PDZRN3: variants seen among roughly 807,000 people sequenced by gnomAD.
PDZRN3 encodes the protein E3 ubiquitin-protein ligase PDZRN3.
A neutral mutation model predicts 85.7 loss-of-function variants in PDZRN3; 38 were observed. The observed-to-expected ratio is 0.44, with a 90% CI of 0.34 to 0.58. The LOEUF is 0.58. PDZRN3 is among the 20% of genes least tolerant of loss of function. PDZRN3 has a pLI of 0.01. For missense variants in PDZRN3, 1,629 were observed against 1,506.4 expected (o/e 1.08, Z -1.35); for synonymous variants, 759 against 638.0 (o/e 1.19, Z -2.86).
At chr3:73,584,452 GGTGTGTGT>G (rs56393203) in intron 3 of PDZRN3, among the ~76,000 whole-genome samples, 3,671 of 83,918 alleles carry the variant, frequency 0.044, 176 homozygotes, top group African/African-American at 0.14. Flanking sequence ...TTCATTTAAT[GGTGTGTGT>G]GTGTGTGTGT....
chr3:73,453,768 C>T (rs1047053642), intron 3 of PDZRN3, among the ~76,000 whole-genome samples: 1 of 152,160 alleles, frequency 6.6e-6, no homozygotes, highest in Admixed American at 6.5e-5. Context: ...ACCTCACACA[C>T]ACAGACAATT....
At chr3:73,406,527 A>T (rs925522648) in intron 3 of PDZRN3, among the ~76,000 whole-genome samples, 2 of 152,020 alleles carry the variant, frequency 1.3e-5, no homozygotes, top group African/African-American at 4.8e-5. Context: ...AACATATAGC[A>T]CCCTTAGGAG....
At chr3:73,489,230 T>G (rs1238476418) in intron 3 of PDZRN3, among the ~76,000 whole-genome samples, 2 of 152,202 alleles carry the variant, frequency 1.3e-5, no homozygotes, top group Non-Finnish European at 2.9e-5. Flanking sequence ...AAATAGCAAA[T>G]AGCAGGACAG....
intron 3 of PDZRN3, among the ~76,000 whole-genome samples, chr3:73,498,605 G>T (rs13082924): frequency 0.24 from 36,337 of 150,092 alleles, 5,416 homozygotes; most frequent in Non-Finnish European, 0.35. Flanking sequence ...TTTTTTTTGA[G>T]ATGGAGTCTA....
At chr3:73,594,807 T>C (rs1338667917) in intron 3 of PDZRN3, among the ~76,000 whole-genome samples, 4 of 152,162 alleles carry the variant, frequency 2.6e-5, no homozygotes, top group Admixed American at 6.5e-5. Flanking sequence ...GAAAATATGA[T>C]ATTCACTTTA....
At chr3:73,394,820 GCA>G (rs1431939074) in intron 5 of PDZRN3, among the ~76,000 whole-genome samples, 1 of 152,220 alleles carries the variant, frequency 6.6e-6, no homozygotes, top group Non-Finnish European at 1.5e-5. Flanking sequence ...TGACAGTTAA[GCA>G]CAGAGTGATC....
chr3:73,616,609 C>T (rs907142703), intron 1 of PDZRN3, among the ~76,000 whole-genome samples: 2 of 152,174 alleles, frequency 1.3e-5, no homozygotes, highest in African/African-American at 2.4e-5. Flanking sequence ...TACAATGAAA[C>T]CAAATTATTG....
intron 3 of PDZRN3, among the ~76,000 whole-genome samples, chr3:73,439,984 C>T (rs1702601702): frequency 6.6e-6 from 1 of 152,132 alleles, no homozygotes; most frequent in Non-Finnish European, 1.5e-5. Flanking sequence ...ATAATCCACC[C>T]ACCTCAGCCT....
chr3:73,510,506 G>T (rs1374361674), intron 3 of PDZRN3, among the ~76,000 whole-genome samples: 2 of 152,210 alleles, frequency 1.3e-5, no homozygotes, highest in East Asian at 3.8e-4. Flanking sequence ...CAGTGAAGAG[G>T]CCTGAGTCAG....
At chr3:73,505,790 AAGTC>A (rs540850169) in intron 3 of PDZRN3, among the ~76,000 whole-genome samples, 118 of 152,282 alleles carry the variant, frequency 7.7e-4, no homozygotes, top group African/African-American at 2.8e-3. Flanking sequence ...ACAGCACATA[AAGTC>A]AGTGTGAGGA....
intron 8 of PDZRN3, among the ~76,000 whole-genome samples, chr3:73,386,226 CTTTTT>C (rs71126867): frequency 2.4e-4 from 22 of 90,706 alleles, no homozygotes; most frequent in Non-Finnish European, 3.3e-4. Flanking sequence ...CAAGATATCA[CTTTTT>C]TTTTTTTTTT....
intron 1 of PDZRN3, among the ~76,000 whole-genome samples, chr3:73,611,513 C>T (rs924755971): frequency 3.9e-5 from 6 of 152,236 alleles, no homozygotes; most frequent in Non-Finnish European, 8.8e-5. Context: ...ATCTAGTCTA[C>T]TGTCCACAAG....
chr3:73,581,240 A>G (rs1421179113), intron 3 of PDZRN3, among the ~76,000 whole-genome samples: 3 of 152,144 alleles, frequency 2.0e-5, no homozygotes, highest in Non-Finnish European at 4.4e-5. Context: ...TTTTCCTCAT[A>G]TTTTAAAACA....
At chr3:73,400,122 A>C (rs1701719543) in intron 5 of PDZRN3, among the ~76,000 whole-genome samples, 2 of 152,228 alleles carry the variant, frequency 1.3e-5, no homozygotes, top group Non-Finnish European at 2.9e-5. Flanking sequence ...ATGGTACCCA[A>C]GGGCTTACCT....
rs1272098143 is a variant in PDZRN3 at position 73,511,939 on chromosome 3, C to A, written c.918+90415G>T. On this transcript the variant is annotated intron_variant, in intron 3 of 9. Transcript: ENST00000263666. Reference sequence around the variant, plus strand: ...GGTGACAACACAGAAGCCAGAGAGACCAGAAAGTAAACTTCTGATTGGTAC... The same window carrying A: ...GGTGACAACACAGAAGCCAGAGAGAACAGAAAGTAAACTTCTGATTGGTAC... 6.6e-5 allele frequency among the ~76,000 whole-genome samples: 10 copies of A among 152,310 alleles called. No individual in the cohort carries two copies. The East Asian group carries it at 1.7e-3, about 26-fold the overall frequency.
intron 3 of PDZRN3, among the ~76,000 whole-genome samples, chr3:73,476,434 C>T (rs1048798723): frequency 2.0e-5 from 3 of 152,148 alleles, no homozygotes; most frequent in Non-Finnish European, 4.4e-5. Flanking sequence ...AGAAACCACC[C>T]CCATGATCCA....
At chr3:73,568,121 G>A (rs1198054984) in intron 3 of PDZRN3, among the ~76,000 whole-genome samples, 1 of 152,136 alleles carries the variant, frequency 6.6e-6, no homozygotes, top group Non-Finnish European at 1.5e-5. Flanking sequence ...CCAGCCAAGG[G>A]AGGAGCCATG....
At chr3:73,602,567 T>C in intron 2 of PDZRN3, 106 bp from the exon 3 acceptor site, 1 of 676,200 alleles carries the variant, frequency 1.5e-6, no homozygotes, top group Non-Finnish European at 2.7e-6. Flanking sequence ...GTGTCAAGAG[T>C]GGCAATAGGG....
At chr3:73,441,411 CAAAAAAAAA>C (rs10656791) in intron 3 of PDZRN3, among the ~76,000 whole-genome samples, 3 of 68,162 alleles carry the variant, frequency 4.4e-5, no homozygotes, top group East Asian at 9.6e-4. Context: ...GACTCTGTCC[CAAAAAAAAA>C]AAAAAAAAAA....
Sources: allele counts gnomAD v4.1 joint callset (sites outside exome capture counted in the v4.1 genomes callset), GRCh38; gene constraint gnomAD v4.1.1; transcripts MANE v1.5; gene names NCBI Gene and HGNC (gene_info 2026-07-23, HGNC 2026-07-21).